CCDC92: variants seen among roughly 807,000 people sequenced by gnomAD.
CCDC92 encodes the protein coiled-coil domain-containing protein 92.
Under a neutral mutation model 24.9 loss-of-function variants are expected in CCDC92, and 12 were observed. That is an observed-to-expected ratio of 0.48 (90% CI 0.31 to 0.78). The LOEUF is 0.78. CCDC92 is among the 30% of genes least tolerant of loss of function. The pLI is 0.05. For missense variants in CCDC92, 399 were observed against 439.4 expected (o/e 0.91, Z 0.82); for synonymous variants, 193 against 196.3 (o/e 0.98, Z 0.14).
At chr12:123,965,009 T>A (rs1373964435) in intron 1 of CCDC92, among the ~76,000 whole-genome samples, 1 of 152,222 alleles carries the variant, frequency 6.6e-6, no homozygotes, top group Admixed American at 6.5e-5. Context: ...GGAAAAAACA[T>A]CTCGTCACCT....
At chr12:123,947,484 T>C (rs903494347) in intron 1 of CCDC92, among the ~76,000 whole-genome samples, 5 of 152,184 alleles carry the variant, frequency 3.3e-5, no homozygotes, top group East Asian at 1.9e-4. Flanking sequence ...AATACACCAA[T>C]TGGCACTCTG....
intron 1 of CCDC92, chr12:123,962,515 G>T (rs1005500025): frequency 6.6e-6 from 1 of 152,478 alleles, no homozygotes; most frequent in African/African-American, 2.4e-5. Flanking sequence ...AAGGGGCTTG[G>T]GGTTCCTCTC....
At chr12:123,939,022 T>C (rs534335482) in intron 4 of CCDC92, among the ~76,000 whole-genome samples, 2 of 152,360 alleles carry the variant, frequency 1.3e-5, no homozygotes, top group East Asian at 3.9e-4. Context: ...CCTCACTGCC[T>C]AATAAAACCC....
At chr12:123,951,738 G>A (rs562476511) in intron 1 of CCDC92, among the ~76,000 whole-genome samples, 1 of 152,308 alleles carries the variant, frequency 6.6e-6, no homozygotes, top group African/African-American at 2.4e-5. Flanking sequence ...GTACCGCTCT[G>A]GTGTACTATA....
intron 3 of CCDC92, 57 bp from the exon 4 acceptor site, chr12:123,942,842 A>G: frequency 7.0e-7 from 1 of 1,438,762 alleles, no homozygotes; most frequent in Non-Finnish European, 9.8e-7. Context: ...AATCTTCATC[A>G]GCTTTGAAAA....
chr12:123,965,607 T>C (rs1956374807), intron 1 of CCDC92, among the ~76,000 whole-genome samples: 1 of 152,114 alleles, frequency 6.6e-6, no homozygotes, highest in Admixed American at 6.5e-5. Flanking sequence ...GTCAGTCATC[T>C]TTCTCAGACT....
At chr12:123,946,091 C>G (rs1217634559) in intron 1 of CCDC92, 1 of 55,224 alleles carries the variant, frequency 1.8e-5, no homozygotes, top group Non-Finnish European at 3.7e-5. Flanking sequence ...CCGTCCTCAC[C>G]CTCACCCAAA....
At chr12:123,944,984 CAATT>C (rs1955802512) in intron 1 of CCDC92, 1 of 151,786 alleles carries the variant, frequency 6.6e-6, no homozygotes, top group African/African-American at 2.4e-5. Context: ...TCTGAACTAG[CAATT>C]TATTTTTAGA....
intron 1 of CCDC92, among the ~76,000 whole-genome samples, chr12:123,964,050 A>C (rs1024708528): frequency 6.6e-6 from 1 of 152,242 alleles, no homozygotes; most frequent in African/African-American, 2.4e-5. Context: ...AACCCTGTTT[A>C]CAAGAGCCAT....
chr12:123,972,684 G>A lies in CCDC92; in HGVS notation c.-215C>T, dbSNP rs1594529433. On this transcript the variant is annotated 5_prime_UTR_variant, in exon 1 of 5. Coordinates refer to ENST00000238156, the MANE Select transcript of CCDC92 (RefSeq NM_025140.3). The stretch of plus-strand genomic sequence containing the variant: ...CGCTGCCCGGGCCGGGCCGCCGAGG[G>A]AGGTCAGTGGGCACCGCCCGCCCGG... The A allele has an allele frequency of 6.8e-6, 1 of 147,240 alleles. No homozygotes were observed. The highest frequency in any genetic ancestry group is 2.5e-5 in the African/African-American group (1 of 40,790). The allele number at this position is 147,240 out of a possible 1,614,324, so 9.1% of individuals were successfully genotyped here.
intron 1 of CCDC92, among the ~76,000 whole-genome samples, chr12:123,957,685 CTTTT>C (rs1228539868): frequency 3.0e-5 from 4 of 135,394 alleles, no homozygotes; most frequent in Non-Finnish European, 6.4e-5. Flanking sequence ...TCACTTAATT[CTTTT>C]TTTTTCCTTC....
intron 1 of CCDC92, chr12:123,944,635 G>C: frequency 3.9e-6 from 1 of 254,686 alleles, no homozygotes; most frequent in East Asian, 7.4e-5. Context: ...TAGCTCTGGA[G>C]CTAGGACGAG....
chr12:123,940,613 T>TC (rs1467337910), intron 4 of CCDC92, among the ~76,000 whole-genome samples: 1 of 152,184 alleles, frequency 6.6e-6, no homozygotes, highest in East Asian at 1.9e-4. Context: ...CACCTCCTCC[T>TC]CTGTACGTAC....
chr12:123,937,337 A>C lies in CCDC92; in HGVS notation c.717T>G (p.Ala239=). 6.2e-7 allele frequency: 1 copy of C among 1,613,918 alleles called. No individual in the cohort carries two copies. Among genetic ancestry groups the C allele is most frequent in the Non-Finnish European group, 8.5e-7 (1 of 1,180,026 alleles). The part of the protein sequence containing the change: ...RKLLLREPVD[A]MPDPTPFLLA... ...GCAGAAATGGGGTGGGGTCGGGCAT[A>C]GCATCCACTGGTTCCCGCAAAAGGA... Residue 239 remains alanine (A), a synonymous_variant, in exon 5 of 5, where the codon GCT becomes GCG. Coordinates refer to ENST00000238156, the MANE Select transcript of CCDC92 (RefSeq NM_025140.3). This position sits in a 1 kb window ranked among gnomAD's most constrained non-coding sequence, Gnocchi z 8.4.
At chr12:123,966,397 C>T (rs1278167127) in intron 1 of CCDC92, 2 of 152,232 alleles carry the variant, frequency 1.3e-5, no homozygotes, top group South Asian at 2.1e-4. Context: ...CTTCTGGTTA[C>T]ATCCCCAATG....
In CCDC92 at chr12:123,943,351, G is replaced by A; in HGVS notation, c.177C>T (p.Cys59=). Residue 59 remains cysteine, a synonymous_variant, in exon 3 of 5, where the codon TGC becomes TGT. Coordinates refer to ENST00000238156, the MANE Select transcript of CCDC92 (RefSeq NM_025140.3). ...HSEIRRLQQH[C]TDLTYELTVK... is the part of the protein sequence containing the mutation. ...CGGGCCTGCTCCCCGATGTACCTGT[G>A]CAGTGCTGCTGCAGCCGCCTGATCT... The A allele has an allele frequency of 6.2e-7, 1 of 1,612,924 alleles. No individual in the cohort carries two copies. The highest frequency in any genetic ancestry group is 1.7e-5 in the Admixed American group (1 of 60,034).
intron 4 of CCDC92, among the ~76,000 whole-genome samples, chr12:123,941,483 A>G (rs988201358): frequency 6.6e-6 from 1 of 152,230 alleles, no homozygotes; most frequent in African/African-American, 2.4e-5. Flanking sequence ...CTTGGTGGAA[A>G]TGGTCTGTGT....
In CCDC92 at chr12:123,936,582, T is replaced by G. The variant is rs1955500898; in HGVS notation, c.*476A>C. The G allele has an allele frequency of 5.7e-6, 1 of 175,080 alleles. No individual in the cohort carries two copies. The highest frequency in any genetic ancestry group is 5.5e-5 in the Admixed American group (1 of 18,326). The allele number at this position is 175,080 out of a possible 1,614,324, so 10.8% of individuals were successfully genotyped here. A position where few individuals can be genotyped will look rare whatever the true frequency, so the allele number is the denominator to read the frequency against. ...TCGGTGCCGCCCTGGGAAAGGTTGG[T>G]CAGGAGGTGACAGGGGTCTCCAGGA... On this transcript the variant is annotated 3_prime_UTR_variant, in exon 5 of 5. Transcript: ENST00000238156.
At position 123,937,697 on chromosome 12, in the gene CCDC92, C is replaced by T; in HGVS notation, c.357G>A (p.Leu119=). The T allele has an allele frequency of 6.2e-7, 1 of 1,614,166 alleles. No individual in the cohort carries two copies. Among genetic ancestry groups the T allele is most frequent in the Non-Finnish European group, 8.5e-7 (1 of 1,180,046 alleles). The part of the protein sequence containing the change: ...LEQKNAMITV[L]ENTIKEREKK... Reference sequence around the variant, plus strand: ...TCTCTCGCTCCTTGATGGTGTTCTCCAGCACTGTGATCATCGCGTTTTTCT... The same window carrying T: ...TCTCTCGCTCCTTGATGGTGTTCTCTAGCACTGTGATCATCGCGTTTTTCT... The change falls in exon 5 of 5, where the codon CTG becomes CTA. Residue 119 remains leucine (L), a synonymous_variant. Transcript: ENST00000238156. The surrounding 1 kb of genome is among the most constrained non-coding windows in gnomAD (Gnocchi z 8.4).
Sources: gnomAD v4.1 joint callset for allele counts (sites outside exome capture counted in the v4.1 genomes callset) on GRCh38, gnomAD v4.1.1 for gene constraint, Gnocchi (gnomAD v3.1) non-coding constraint, MANE v1.5 for transcripts, NCBI Gene and HGNC (gene_info 2026-07-23, HGNC 2026-07-21) for gene names.